The following ZNHIT1 variants were observed in gnomAD, a reference collection of about 807,000 sequenced individuals.
ZNHIT1 encodes zinc finger HIT domain-containing protein 1.
Under a neutral mutation model 21.4 loss-of-function variants are expected in ZNHIT1, and 20 were observed. That is an observed-to-expected ratio of 0.93 (90% CI 0.66 to 1.36). ZNHIT1 has a LOEUF of 1.36. ZNHIT1 is among the 40% of genes most tolerant of loss of function. The pLI is 0.00. For missense variants in ZNHIT1, 170 were observed against 213.5 expected, an observed-to-expected ratio of 0.80 and a Z score of 1.27; for synonymous variants, 79 against 84.0, an observed-to-expected ratio of 0.94 and a Z score of 0.32.
At chr7:101,221,814 AG>A (rs1798375305) in intron 1 of ZNHIT1, 1 of 152,098 alleles carries the variant, frequency 6.6e-6, no homozygotes, top group Non-Finnish European at 1.5e-5. Context: ...GCACCGCCAC[AG>A]GGTGGACAGG....
chr7:101,223,390 G>A, intron 2 of ZNHIT1, 87 bp from the exon 3 acceptor site: 1 of 1,423,310 alleles, frequency 7.0e-7, no homozygotes, highest in African/African-American at 1.4e-5. Context: ...GAACCAGGAG[G>A]GCACATGGGC....
At chr7:101,223,367 A>G in intron 2 of ZNHIT1, 110 bp from the exon 3 acceptor site, 1 of 1,178,960 alleles carries the variant, frequency 8.5e-7, no homozygotes, top group Non-Finnish European at 1.2e-6. Flanking sequence ...ACAGAGTGAG[A>G]CTGTCTCAAA....
At chr7:101,221,330 C>T (rs979144321) in intron 1 of ZNHIT1, 1 of 151,030 alleles carries the variant, frequency 6.6e-6, no homozygotes, top group South Asian at 2.1e-4. Context: ...CCCATGTAGT[C>T]CTCCCACCGC....
chr7:101,222,950 A>C (rs1373794038), intron 2 of ZNHIT1, among the ~76,000 whole-genome samples, 176 bp downstream of exon 2: 1 of 152,200 alleles, frequency 6.6e-6, no homozygotes, highest in African/African-American at 2.4e-5. Flanking sequence ...CGTGTATGTG[A>C]AATAAACAAG....
chr7:101,223,198 C>T (rs937258281), intron 2 of ZNHIT1, among the ~76,000 whole-genome samples: 2 of 152,076 alleles, frequency 1.3e-5, no homozygotes, highest in African/African-American at 4.8e-5. Flanking sequence ...ATGGTGAAAC[C>T]CCATCTCTAC....
chr7:101,223,642 G>A, intron 3 of ZNHIT1, 31 bp from the exon 4 acceptor site: 1 of 1,612,728 alleles, frequency 6.2e-7, no homozygotes. Context: ...GTGGGCGGAG[G>A]AGTTCTAGAG....
intron 1 of ZNHIT1, chr7:101,221,447 C>T (rs1036625447): frequency 6.6e-6 from 1 of 152,084 alleles, no homozygotes; most frequent in Non-Finnish European, 1.5e-5. Flanking sequence ...TGGTTTCTAA[C>T]TCCTGGCATC....
intron 1 of ZNHIT1, chr7:101,220,038 T>C (rs1439357244): frequency 6.6e-6 from 1 of 152,036 alleles, no homozygotes; most frequent in Non-Finnish European, 1.5e-5. Context: ...CCTAGAGCAC[T>C]GCCTGGCATT....
intron 3 of ZNHIT1, 48 bp downstream of exon 3, chr7:101,223,604 C>G: frequency 6.2e-7 from 1 of 1,613,942 alleles, no homozygotes; most frequent in Middle Eastern, 1.7e-4. Flanking sequence ...AGGGGTGAGC[C>G]TGGCCCGGGC....
intron 1 of ZNHIT1, chr7:101,222,317 T>G (rs1044451549): frequency 9.7e-6 from 4 of 411,266 alleles, no homozygotes; most frequent in African/African-American, 6.1e-5. Context: ...ACCTCCCCAG[T>G]CAGCAGTGAG....
chr7:101,221,266 T>A (rs1798366050), intron 1 of ZNHIT1: 1 of 150,662 alleles, frequency 6.6e-6, no homozygotes, highest in Non-Finnish European at 1.5e-5. Context: ...TCACTCAGGC[T>A]GGAGTGGTGG....
intron 2 of ZNHIT1, 28 bp downstream of exon 2, chr7:101,222,802 G>T: frequency 1.2e-6 from 2 of 1,608,086 alleles, no homozygotes; most frequent in Non-Finnish European, 8.5e-7. Context: ...GGAAGCGGGG[G>T]ATGGGACTGA....
chr7:101,223,813 G>A lies in ZNHIT1; in HGVS notation c.414G>A (p.Val138=), dbSNP rs758439500. The A allele has an allele frequency of 1.4e-5, 23 of 1,614,170 alleles. No homozygotes were observed. Among genetic ancestry groups the A allele is most frequent in the Non-Finnish European group, 1.9e-5 (23 of 1,180,024 alleles). The change falls in exon 4 of 5, where the codon GTG becomes GTA. Residue 138 remains valine, a synonymous_variant. Transcript: ENST00000305105. The part of the protein sequence containing the change: ...CVSCGARYCT[V]RCLGTHQETR... ...GCTGCGGTGCCCGGTACTGCACTGTGCGCTGTCTGGGGACCCACCAGGAGA... is the reference window on the plus strand; with the variant it reads ...GCTGCGGTGCCCGGTACTGCACTGTACGCTGTCTGGGGACCCACCAGGAGA...
At chr7:101,218,408 G>C (rs994174556) in intron 1 of ZNHIT1, 191 bp downstream of exon 1, 6 of 620,504 alleles carry the variant, frequency 9.7e-6, no homozygotes, top group South Asian at 6.4e-5. Context: ...GGAGTGGCTG[G>C]AACTGCAAGC....
At position 101,218,226 on chromosome 7, in the gene ZNHIT1, GC is replaced by G; in HGVS notation, c.22+14del. 2.5e-6 allele frequency: 4 copies of G among 1,612,348 alleles called. No homozygotes were observed. The highest frequency in any genetic ancestry group is 3.4e-6 in the Non-Finnish European group (4 of 1,179,060). ...GGAGAAGAAAACTTCGGGTATGTGA[GC>G]CCCCGCGGTTCGCCCCCTTCCCCTT... On this transcript the variant is annotated intron_variant, in intron 1 of 4. Coordinates refer to ENST00000305105, the MANE Select transcript of ZNHIT1 (RefSeq NM_006349.3).
intron 2 of ZNHIT1, among the ~76,000 whole-genome samples, chr7:101,223,260 C>T (rs571093005): frequency 4.6e-5 from 7 of 152,212 alleles, no homozygotes; most frequent in Middle Eastern, 3.4e-3. Flanking sequence ...ACCTGTAATC[C>T]CAGCTACTCA....
In ZNHIT1 at chr7:101,224,007, C is replaced by T. The variant is rs1798414660; in HGVS notation, c.*49C>T. The T allele has an allele frequency of 1.9e-6, 3 of 1,613,684 alleles. No homozygotes were observed. The highest frequency in any genetic ancestry group is 2.2e-5 in the South Asian group (2 of 91,076). ...GGGCCGCTGTGCACTGCCCGGCCTT[C>T]AGAAAGACAGAATTTCATCACCCAA... On this transcript the variant is annotated 3_prime_UTR_variant, in exon 5 of 5. Transcript: ENST00000305105.
intron 1 of ZNHIT1, chr7:101,218,923 G>A (rs919123138): frequency 3.9e-5 from 6 of 152,688 alleles, no homozygotes; most frequent in Middle Eastern, 3.4e-3. Flanking sequence ...TTCTCTCAGT[G>A]GGAACCTCAC....
At chr7:101,220,438 T>A (rs1338048806) in intron 1 of ZNHIT1, 2 of 152,152 alleles carry the variant, frequency 1.3e-5, no homozygotes, top group African/African-American at 4.8e-5. Context: ...TGCTTTTTGA[T>A]GCTGGGTAGT....
Sources: gnomAD v4.1 joint callset for allele counts (sites outside exome capture counted in the v4.1 genomes callset) on GRCh38, gnomAD v4.1.1 for gene constraint, MANE v1.5 for transcripts, NCBI Gene and HGNC (gene_info 2026-07-23, HGNC 2026-07-21) for gene names.